RIC1: variants seen among roughly 807,000 people sequenced by gnomAD.
RIC1 encodes the protein guanine nucleotide exchange factor subunit RIC1.
RIC1 carries 88 observed loss-of-function variants against 169.0 expected under a neutral mutation model. That is an observed-to-expected ratio of 0.52 (90% confidence interval 0.44 to 0.62). The LOEUF (loss-of-function observed/expected upper bound fraction) is 0.62, where lower values mean the gene tolerates loss of function less well. Ranked by LOEUF, RIC1 falls within the 20% of genes least tolerant of loss-of-function variation. The probability of loss-of-function intolerance (pLI) is 0.00; values close to 1 mark genes in which losing one functional copy is unlikely to be tolerated. For missense variants in RIC1, 1,877 were observed against 1,725.5 expected, an observed-to-expected ratio of 1.09 and a Z score of -1.56; for synonymous variants, 790 against 601.5, an observed-to-expected ratio of 1.31 and a Z score of -4.59.
At chr9:5,733,645 C>T (rs936976138) in intron 7 of RIC1, among the ~76,000 whole-genome samples, 3 of 152,076 alleles carry the variant, frequency 2.0e-5, no homozygotes, top group African/African-American at 7.2e-5. Flanking sequence ...AGGGAATCCT[C>T]ATCCTCAACT....
chr9:5,650,880 G>T (rs1041306490), intron 1 of RIC1, among the ~76,000 whole-genome samples: 1 of 152,178 alleles, frequency 6.6e-6, no homozygotes, highest in Non-Finnish European at 1.5e-5. Context: ...AAGTGGCATT[G>T]CATCACTGTA....
chr9:5,655,002 A>G (rs1362434517), intron 1 of RIC1, among the ~76,000 whole-genome samples: 1 of 152,212 alleles, frequency 6.6e-6, no homozygotes, highest in Non-Finnish European at 1.5e-5. Context: ...CAAATTTTCT[A>G]CATAGATGAT....
At chr9:5,737,082 C>A (rs565492170) in intron 7 of RIC1, among the ~76,000 whole-genome samples, 3 of 152,038 alleles carry the variant, frequency 2.0e-5, no homozygotes, top group East Asian at 3.9e-4. Flanking sequence ...ACATTTGTTT[C>A]TCTTTCTCAC....
At chr9:5,671,354 A>G (rs1417834305) in intron 2 of RIC1, among the ~76,000 whole-genome samples, 1 of 150,654 alleles carries the variant, frequency 6.6e-6, no homozygotes, top group African/African-American at 2.4e-5. Context: ...TGCTCACTGC[A>G]ACCTCCGCCT....
chr9:5,743,459 A>T (rs1055810785), intron 9 of RIC1, among the ~76,000 whole-genome samples: 2 of 152,124 alleles, frequency 1.3e-5, no homozygotes, highest in African/African-American at 4.8e-5. Context: ...AAATGAGCAC[A>T]CCTTTAAAAG....
intron 7 of RIC1, among the ~76,000 whole-genome samples, chr9:5,735,841 C>T (rs1824669990): frequency 6.6e-6 from 1 of 152,074 alleles, no homozygotes; most frequent in Admixed American, 6.6e-5. Flanking sequence ...TATATATTTC[C>T]TATGGTATCA....
In RIC1 at chr9:5,656,701, T is replaced by C. The variant is rs1461363916; in HGVS notation, c.252+11T>C. Reference sequence around the variant, plus strand: ...ATGATAGCTGTATCAGTAAGTAGATTTTACCGCTAAATAGTGTTTTCTTAT... The same window carrying C: ...ATGATAGCTGTATCAGTAAGTAGATCTTACCGCTAAATAGTGTTTTCTTAT... On this transcript the variant is annotated intron_variant, in intron 2 of 25. Coordinates refer to ENST00000414202, the MANE Select transcript of RIC1 (RefSeq NM_020829.4). The C allele has an allele frequency of 1.4e-6, 2 of 1,433,948 alleles. No homozygotes were observed. 88.8% of individuals were successfully genotyped at this position (1,433,948 alleles called of 1,614,324 possible).
At position 5,629,556 on chromosome 9, in the gene RIC1, G is replaced by A. The variant is rs1171171268; in HGVS notation, c.144+103G>A. The A allele has an allele frequency of 2.4e-6, 3 of 1,259,982 alleles. No individual in the cohort carries two copies. In the African/African-American group the frequency reaches 4.7e-5, roughly 20 times the overall value. 78.1% of individuals were successfully genotyped at this position (1,259,982 alleles called of 1,614,324 possible). ...GAGCCTAGGACTCCTGCCCCTTCGT[G>A]CCAGACCCACCTGCCTTCGCAGTCC... On this transcript the variant is annotated intron_variant, in intron 1 of 25. Coordinates refer to ENST00000414202, the MANE Select transcript of RIC1 (RefSeq NM_020829.4).
chr9:5,708,412 T>C (rs1822730336), intron 3 of RIC1, among the ~76,000 whole-genome samples: 1 of 152,178 alleles, frequency 6.6e-6, no homozygotes, highest in Non-Finnish European at 1.5e-5. Flanking sequence ...TATTGCCTCT[T>C]GTTTTTTCAG....
intron 3 of RIC1, among the ~76,000 whole-genome samples, chr9:5,695,369 C>G (rs564671792): frequency 6.6e-6 from 1 of 152,062 alleles, no homozygotes; most frequent in East Asian, 1.9e-4. Flanking sequence ...AAGTCAAGAG[C>G]GCACCCGCTT....
intron 2 of RIC1, among the ~76,000 whole-genome samples, chr9:5,661,878 C>A (rs1044954952): frequency 6.6e-6 from 1 of 152,048 alleles, no homozygotes; most frequent in Non-Finnish European, 1.5e-5. Flanking sequence ...TTGAATAGGA[C>A]TGGTGAGAGA....
At chr9:5,777,399 C>T (rs1422827241), downstream of RIC1, among the ~76,000 whole-genome samples, 2 of 146,268 alleles carry the variant, frequency 1.4e-5, no homozygotes, top group African/African-American at 2.6e-5. Context: ...CCATTAAATA[C>T]TGCTAAAAAA....
chr9:5,704,461 C>G (rs1822434774), intron 3 of RIC1, among the ~76,000 whole-genome samples: 1 of 152,168 alleles, frequency 6.6e-6, no homozygotes, highest in Admixed American at 6.5e-5. Context: ...ATCCTCCTGT[C>G]TTGGCCCCCC....
intron 23 of RIC1, 28 bp from the exon 24 acceptor site, chr9:5,772,536 G>T: frequency 6.5e-7 from 1 of 1,542,236 alleles, no homozygotes. Flanking sequence ...CACGAAGTTG[G>T]TTGTAACTTT....
chr9:5,746,554 G>A (rs1370453796), intron 11 of RIC1, among the ~76,000 whole-genome samples: 2 of 152,080 alleles, frequency 1.3e-5, no homozygotes, highest in African/African-American at 4.8e-5. Flanking sequence ...AATCCAGGAG[G>A]TGGTATATTA....
rs1222603108 is a variant in RIC1, at chr9:5,629,418, C to T, written c.109C>T (p.Leu37=). The T allele has an allele frequency of 6.5e-7, 1 of 1,533,922 alleles. No homozygotes were observed. Among genetic ancestry groups the T allele is most frequent in the Admixed American group, 2.0e-5 (1 of 50,782 alleles). ...SDPQRAFFAV[L]AAARLSIWYS... ...CCCGCAGAGGGCTTTCTTCGCCGTGCTGGCCGCGGCCCGCCTCAGCATCTG... is the reference window on the plus strand; with the variant it reads ...CCCGCAGAGGGCTTTCTTCGCCGTGTTGGCCGCGGCCCGCCTCAGCATCTG... The change falls in exon 1 of 26, where the codon CTG becomes TTG. Residue 37 remains leucine (L), a synonymous_variant. Transcript: ENST00000414202.
chr9:5,648,607 T>C (rs929888243), intron 1 of RIC1, among the ~76,000 whole-genome samples: 2 of 152,220 alleles, frequency 1.3e-5, no homozygotes, highest in African/African-American at 4.8e-5. Flanking sequence ...ATACTGTTTT[T>C]GGTAATGGCT....
chr9:5,651,111 C>T (rs1041582270), intron 1 of RIC1, among the ~76,000 whole-genome samples: 5 of 152,186 alleles, frequency 3.3e-5, no homozygotes, highest in Admixed American at 2.6e-4. Context: ...CTATGCTAGT[C>T]TCTGGACCCC....
chr9:5,772,988 G>A lies in RIC1; in HGVS notation c.3891G>A (p.Leu1297=), dbSNP rs1374919015. 6.2e-7 allele frequency: 1 copy of A among 1,613,598 alleles called. No homozygotes were observed. Residue 1297 remains leucine, a synonymous_variant, in exon 25 of 26, where the codon TTG becomes TTA. Coordinates refer to ENST00000414202, the MANE Select transcript of RIC1 (RefSeq NM_020829.4). ...AATCCTCAATAATCAATCAGATTTT[G>A]GTTATTACACAGTCTTCAGAGGTAG... ...LRESSIINQI[L]VITQSSEVDG...
Sources: gnomAD v4.1 joint callset for allele counts (sites outside exome capture counted in the v4.1 genomes callset) on GRCh38, gnomAD v4.1.1 for gene constraint, MANE v1.5 for transcripts, NCBI Gene and HGNC (gene_info 2026-07-23, HGNC 2026-07-21) for gene names.